The following LRP1B variants were observed in gnomAD, a reference collection of about 807,000 sequenced individuals.
LRP1B encodes low-density lipoprotein receptor-related protein 1B.
Under a neutral mutation model 556.6 loss-of-function variants are expected in LRP1B, and 217 were observed. That is an observed-to-expected ratio of 0.39 (90% CI 0.35 to 0.44). LRP1B has a LOEUF of 0.44. Ranked by LOEUF, LRP1B falls within the 20% of genes least tolerant of loss-of-function variation. The pLI is 1.00. For synonymous variants in LRP1B, 2,047 were observed against 1,865.8 expected (o/e 1.10, Z -2.50); for missense variants, 5,053 against 5,620.8 (o/e 0.90, Z 3.23).
At chr2:141,526,869 G>GAT in intron 2 of LRP1B, among the ~76,000 whole-genome samples, 1 of 152,012 alleles carries the variant, frequency 6.6e-6, no homozygotes, top group East Asian at 1.9e-4. Context: ...GAACCATTTA[G>GAT]ATAAATTAAA....
intron 41 of LRP1B, among the ~76,000 whole-genome samples, chr2:140,679,922 T>G (rs1031624768): frequency 1.3e-5 from 2 of 151,872 alleles, no homozygotes; most frequent in African/African-American, 4.8e-5. Flanking sequence ...TATTTACTTT[T>G]TATTTAATTT....
At chr2:141,061,403 G>C (rs1411093790) in intron 8 of LRP1B, among the ~76,000 whole-genome samples, 2 of 151,682 alleles carry the variant, frequency 1.3e-5, no homozygotes, top group Admixed American at 1.3e-4. Flanking sequence ...GATAAAATCA[G>C]ATTTTTAAAT....
At chr2:141,600,591 A>G (rs1687693177) in intron 2 of LRP1B, among the ~76,000 whole-genome samples, 1 of 152,132 alleles carries the variant, frequency 6.6e-6, no homozygotes, top group Admixed American at 6.5e-5. Flanking sequence ...CATTAGATCC[A>G]GAGCCAACCC....
At chr2:140,567,290 A>G (rs1681162553) in intron 43 of LRP1B, among the ~76,000 whole-genome samples, 1 of 152,180 alleles carries the variant, frequency 6.6e-6, no homozygotes, top group Non-Finnish European at 1.5e-5. Flanking sequence ...ACTTGGCCTC[A>G]GAATCTGGGA....
intron 66 of LRP1B, among the ~76,000 whole-genome samples, chr2:140,440,923 T>C (rs1686398828): frequency 6.6e-6 from 1 of 152,154 alleles, no homozygotes; most frequent in South Asian, 2.1e-4. Context: ...TGGTGTCAAA[T>C]AACCCTGTTA....
chr2:141,088,119 A>G (rs1419727014), intron 7 of LRP1B, among the ~76,000 whole-genome samples: 1 of 152,170 alleles, frequency 6.6e-6, no homozygotes, highest in African/African-American at 2.4e-5. Context: ...ATAGATGGGA[A>G]TTTGGCTTTA....
At chr2:140,657,672 T>TATATATACATAC (rs1167203001) in intron 41 of LRP1B, among the ~76,000 whole-genome samples, 2,137 of 134,562 alleles carry the variant, frequency 0.016, 41 homozygotes, top group Admixed American at 0.046. Flanking sequence ...TATACATACA[T>TATATATACATAC]ATATATATAA....
chr2:140,765,027 C>A (rs1689053961), intron 35 of LRP1B, among the ~76,000 whole-genome samples: 1 of 152,072 alleles, frequency 6.6e-6, no homozygotes, highest in Non-Finnish European at 1.5e-5. Context: ...CAGGGTCTCA[C>A]TATACTGCCC....
intron 2 of LRP1B, among the ~76,000 whole-genome samples, chr2:141,594,063 G>A (rs1351530108): frequency 6.6e-6 from 1 of 151,986 alleles, no homozygotes; most frequent in Non-Finnish European, 1.5e-5. Flanking sequence ...TTTGAGTGGT[G>A]TCTTTGCTTT....
At chr2:141,492,298 G>A (rs1261549116) in intron 2 of LRP1B, among the ~76,000 whole-genome samples, 1 of 151,948 alleles carries the variant, frequency 6.6e-6, no homozygotes, top group Non-Finnish European at 1.5e-5. Flanking sequence ...TGGAAAACAA[G>A]CATTTTTATT....
chr2:141,973,274 C>T (rs185753418), intron 1 of LRP1B, among the ~76,000 whole-genome samples: 4 of 151,480 alleles, frequency 2.6e-5, no homozygotes, highest in Non-Finnish European at 5.9e-5. Context: ...AACATCATGG[C>T]TAAATGAAAA....
At chr2:141,386,319 C>T (rs1375033488) in intron 3 of LRP1B, among the ~76,000 whole-genome samples, 4 of 152,166 alleles carry the variant, frequency 2.6e-5, no homozygotes, top group African/African-American at 7.2e-5. Flanking sequence ...ATCTGTAATA[C>T]ATACAGAAAA....
At chr2:141,927,715 C>T (rs887761506) in intron 1 of LRP1B, among the ~76,000 whole-genome samples, 1 of 151,820 alleles carries the variant, frequency 6.6e-6, no homozygotes, top group Admixed American at 6.6e-5. Context: ...CTGCTGATGC[C>T]ATTGATGAGG....
chr2:140,441,519 C>T (rs2105299464), intron 66 of LRP1B, among the ~76,000 whole-genome samples: 1 of 152,272 alleles, frequency 6.6e-6, no homozygotes, highest in African/African-American at 2.4e-5. Flanking sequence ...TTAGGAAAAT[C>T]ACTTAAAGAC....
intron 2 of LRP1B, among the ~76,000 whole-genome samples, chr2:141,702,947 T>G (rs1207169997): frequency 1.3e-5 from 2 of 151,910 alleles, no homozygotes; most frequent in Non-Finnish European, 2.9e-5. Context: ...TTTACATAAG[T>G]GAGCTCATTA....
At chr2:141,818,531 CTTTTTTTTTT>C (rs70994453) in intron 1 of LRP1B, among the ~76,000 whole-genome samples, 2 of 82,070 alleles carry the variant, frequency 2.4e-5, no homozygotes, top group Non-Finnish European at 4.3e-5. Flanking sequence ...ATTTCTGTAT[CTTTTTTTTTT>C]TTTTTTTTTT....
chr2:142,127,655 CAT>C (rs1707704096), intron 1 of LRP1B, among the ~76,000 whole-genome samples: 1 of 151,930 alleles, frequency 6.6e-6, no homozygotes, highest in Admixed American at 6.6e-5. Context: ...TATGAAGAGA[CAT>C]AAATCGCAGT....
chr2:141,896,789 T>G (rs752762647), intron 1 of LRP1B, among the ~76,000 whole-genome samples: 2 of 152,186 alleles, frequency 1.3e-5, no homozygotes, highest in African/African-American at 2.4e-5. Flanking sequence ...AAAATGCTGA[T>G]TTAAAACACC....
intron 41 of LRP1B, among the ~76,000 whole-genome samples, chr2:140,622,694 GA>G (rs1400414989): frequency 6.6e-6 from 1 of 152,148 alleles, no homozygotes; most frequent in Non-Finnish European, 1.5e-5. Context: ...GGAACAGAAA[GA>G]AAGAATCTAA....
Sources: gnomAD v4.1 joint callset for allele counts (sites outside exome capture counted in the v4.1 genomes callset) on GRCh38, gnomAD v4.1.1 for gene constraint, MANE v1.5 for transcripts, NCBI Gene and HGNC (gene_info 2026-07-23, HGNC 2026-07-21) for gene names.